The following CNTNAP2 variants were observed in gnomAD, a reference collection of about 807,000 sequenced individuals.
The protein encoded by CNTNAP2 is contactin-associated protein-like 2.
In CNTNAP2, 98 loss-of-function variants were observed where a neutral mutation model predicts 155.2. That is an observed-to-expected ratio of 0.63 (90% CI 0.54 to 0.75). The LOEUF (loss-of-function observed/expected upper bound fraction) is 0.75. CNTNAP2 is among the 30% of genes least tolerant of loss of function. The pLI, the probability that CNTNAP2 is intolerant of heterozygous loss-of-function variation, is 0.00. For missense variants in CNTNAP2, 1,727 were observed against 1,688.1 expected (o/e 1.02, Z -0.40); for synonymous variants, 651 against 631.2 (o/e 1.03, Z -0.47).
chr7:147,037,945 T>C (rs1799187766), intron 3 of CNTNAP2, among the ~76,000 whole-genome samples: 1 of 152,196 alleles, frequency 6.6e-6, no homozygotes, highest in Non-Finnish European at 1.5e-5. Flanking sequence ...TTTTGAAATA[T>C]TTAAAGCTTC....
intron 12 of CNTNAP2, among the ~76,000 whole-genome samples, chr7:147,619,939 T>C (rs1801362114): frequency 6.6e-6 from 1 of 151,972 alleles, no homozygotes; most frequent in Admixed American, 6.6e-5. Context: ...GGCCAAGGAG[T>C]AGTTGTGTCA....
Position 147,043,978 on chromosome 7 carries a change from T to C in CNTNAP2, c.474T>C (p.Tyr158=). 1 of 1,614,208 alleles carries C rather than the reference T, an allele frequency of 6.2e-7. No individual in the cohort carries two copies. Among genetic ancestry groups the C allele is most frequent in the Non-Finnish European group, 8.5e-7 (1 of 1,180,016 alleles). ...TACAGCATCCGATTATTGCCCGCTA[T>C]GTGCGCATAGTGCCTCTGGATTGGA... is the stretch of plus-strand genomic sequence containing the variant. The part of the protein sequence containing the change: ...HELQHPIIAR[Y]VRIVPLDWNG... The change falls in exon 4 of 24, where the codon TAT becomes TAC. Residue 158 remains tyrosine, a synonymous_variant. Transcript: ENST00000361727.
Position 146,381,876 on chromosome 7 carries a change from T to G in CNTNAP2, c.97+264903T>G, listed in dbSNP as rs192900394. On this transcript the variant is annotated intron_variant, in intron 1 of 23. Coordinates refer to ENST00000361727, the MANE Select transcript of CNTNAP2 (RefSeq NM_014141.6). ...TGATCTTGCCTAGGGCTCTGTAGAC[T>G]GCGACTTAGAACCATTTGTCCCAGG... Among the ~76,000 whole-genome samples the G allele has an allele frequency of 1.4e-4, 22 of 152,266 alleles. No individual in the cohort carries two copies. The East Asian group carries it at 3.7e-3, about 26-fold the overall frequency.
intron 1 of CNTNAP2, among the ~76,000 whole-genome samples, chr7:146,299,822 G>A (rs967226359): frequency 2.0e-5 from 3 of 152,098 alleles, no homozygotes; most frequent in Admixed American, 6.6e-5. Flanking sequence ...GAAAAAGCAT[G>A]GGAGGCTACC....
intron 8 of CNTNAP2, among the ~76,000 whole-genome samples, chr7:147,244,967 T>C (rs1804023113): frequency 6.6e-6 from 1 of 152,074 alleles, no homozygotes; most frequent in East Asian, 1.9e-4. Context: ...GTGACCTCAG[T>C]GTAGAAAACT....
At chr7:146,348,289 G>A (rs1414761688) in intron 1 of CNTNAP2, among the ~76,000 whole-genome samples, 1 of 152,066 alleles carries the variant, frequency 6.6e-6, no homozygotes, top group Non-Finnish European at 1.5e-5. Context: ...GCTGGGCATG[G>A]TGGCAGGCAC....
In CNTNAP2 at chr7:147,486,064, T is replaced by C. The variant is rs77812427; in HGVS notation, c.1777+23T>C. 2,011 of 1,590,384 alleles carry C rather than the reference T, an allele frequency of 1.3e-3. 10 individuals carry two copies. In the African/African-American group the frequency reaches 0.016, roughly 13 times the overall value. Reference sequence around the variant, plus strand: ...ACTGTGAGTGCCAATTTATCTCACTTTAATCTTGTAATTGCATGAGAATCT... The same window carrying C: ...ACTGTGAGTGCCAATTTATCTCACTCTAATCTTGTAATTGCATGAGAATCT... On this transcript the variant is annotated intron_variant, in intron 11 of 23. Coordinates refer to ENST00000361727, the MANE Select transcript of CNTNAP2 (RefSeq NM_014141.6).
intron 3 of CNTNAP2, among the ~76,000 whole-genome samples, chr7:147,003,217 G>C (rs1292377842): frequency 1.3e-5 from 2 of 151,918 alleles, no homozygotes; most frequent in Non-Finnish European, 2.9e-5. Flanking sequence ...GACTAGAGCA[G>C]AATCAATTCC....
At chr7:146,645,695 A>G (rs908572054) in intron 1 of CNTNAP2, among the ~76,000 whole-genome samples, 7 of 152,102 alleles carry the variant, frequency 4.6e-5, no homozygotes, top group East Asian at 1.9e-4. Flanking sequence ...GTGAAATTCA[A>G]TGGCTTTTAG....
At chr7:147,857,774 T>C (rs898173957) in intron 13 of CNTNAP2, among the ~76,000 whole-genome samples, 8 of 152,198 alleles carry the variant, frequency 5.3e-5, no homozygotes, top group African/African-American at 1.9e-4. Flanking sequence ...TAAAGCCAGA[T>C]AGAGCACTAG....
intron 13 of CNTNAP2, among the ~76,000 whole-genome samples, chr7:147,640,843 G>A (rs907257973): frequency 1.1e-4 from 17 of 152,182 alleles, no homozygotes; most frequent in African/African-American, 4.1e-4. Flanking sequence ...GCTTATATGA[G>A]GAGGCTGGAG....
chr7:148,276,788 AG>A (rs34512844), intron 21 of CNTNAP2, among the ~76,000 whole-genome samples: 2 of 152,386 alleles, frequency 1.3e-5, no homozygotes, highest in East Asian at 3.9e-4. Context: ...AATGCATAAC[AG>A]GAAGTGAGAA....
chr7:146,564,046 G>C (rs975701025), intron 1 of CNTNAP2, among the ~76,000 whole-genome samples: 3 of 152,102 alleles, frequency 2.0e-5, no homozygotes, highest in Non-Finnish European at 4.4e-5. Flanking sequence ...ACATCTACCA[G>C]TAGGCAAGGC....
chr7:148,259,554 G>A (rs1317999564), intron 20 of CNTNAP2, among the ~76,000 whole-genome samples: 2 of 152,186 alleles, frequency 1.3e-5, no homozygotes, highest in Non-Finnish European at 2.9e-5. Flanking sequence ...TCTAGGCCAT[G>A]GAAAAAGCGG....
At chr7:148,409,854 A>G (rs1436111336) in intron 23 of CNTNAP2, among the ~76,000 whole-genome samples, 2 of 81,558 alleles carry the variant, frequency 2.5e-5, no homozygotes, top group African/African-American at 1.1e-4. Context: ...GATCGAGACC[A>G]TCTTGGCTAA....
At chr7:146,353,171 G>A (rs553403279) in intron 1 of CNTNAP2, among the ~76,000 whole-genome samples, 14 of 152,136 alleles carry the variant, frequency 9.2e-5, no homozygotes, top group African/African-American at 2.4e-4. Flanking sequence ...TTAGGCTTTC[G>A]TCTCCAACTT....
At chr7:148,235,892 A>G (rs888805322) in intron 20 of CNTNAP2, among the ~76,000 whole-genome samples, 5 of 151,956 alleles carry the variant, frequency 3.3e-5, no homozygotes, top group Non-Finnish European at 5.9e-5. Flanking sequence ...TCACTGTGTT[A>G]GCCAGGATGG....
chr7:148,113,468 G>T (rs1804400280), intron 15 of CNTNAP2, among the ~76,000 whole-genome samples: 6 of 152,190 alleles, frequency 3.9e-5, no homozygotes, highest in Non-Finnish European at 5.9e-5. Flanking sequence ...AACATTGGGG[G>T]TTACAATTAG....
intron 13 of CNTNAP2, among the ~76,000 whole-genome samples, chr7:147,663,348 C>T (rs1795645992): frequency 6.6e-6 from 1 of 152,170 alleles, no homozygotes; most frequent in Non-Finnish European, 1.5e-5. Context: ...TAACCCTGTC[C>T]TTGCAAAGTT....
Sources: allele counts gnomAD v4.1 joint callset (sites outside exome capture counted in the v4.1 genomes callset), GRCh38; gene constraint gnomAD v4.1.1; transcripts MANE v1.5; gene names NCBI Gene and HGNC (gene_info 2026-07-23, HGNC 2026-07-21).